The following SLC39A11 variants were observed in gnomAD, a reference collection of about 807,000 sequenced individuals.
SLC39A11 encodes the protein zinc transporter ZIP11.
SLC39A11 carries 33 observed loss-of-function variants against 36.1 expected under a neutral mutation model. The observed-to-expected ratio is 0.91, with a 90% CI of 0.69 to 1.22. The LOEUF is 1.22. SLC39A11 is among the 50% of genes most tolerant of loss of function. The pLI is 0.00. For synonymous variants in SLC39A11, 166 were observed against 170.3 expected (o/e 0.97, Z 0.20); for missense variants, 432 against 430.3 (o/e 1.00, Z -0.03).
chr17:72,823,245 C>T (rs1025276919), intron 6 of SLC39A11, among the ~76,000 whole-genome samples: 1 of 151,170 alleles, frequency 6.6e-6, no homozygotes, highest in Non-Finnish European at 1.5e-5. Flanking sequence ...CAACTTTGAC[C>T]TTGAGGCATG....
intron 7 of SLC39A11, among the ~76,000 whole-genome samples, chr17:72,674,251 A>G (rs1225902023): frequency 6.6e-6 from 1 of 151,666 alleles, no homozygotes; most frequent in Non-Finnish European, 1.5e-5. Flanking sequence ...ATATATGTGT[A>G]TTTTCTTATA....
chr17:72,838,229 TTC>T (rs113594622), intron 6 of SLC39A11: 9,121 of 381,612 alleles, frequency 0.024, 615 homozygotes, highest in African/African-American at 0.17. Context: ...TTCTTTCCTT[TTC>T]TTTTTTTTTT....
At chr17:73,039,532 C>T (rs2059038496) in intron 3 of SLC39A11, among the ~76,000 whole-genome samples, 1 of 152,164 alleles carries the variant, frequency 6.6e-6, no homozygotes, top group South Asian at 2.1e-4. Flanking sequence ...GAAATGAGAA[C>T]GCATGATCAG....
intron 6 of SLC39A11, among the ~76,000 whole-genome samples, chr17:72,777,869 A>ATATATG (rs1555669316): frequency 1.3e-5 from 2 of 149,956 alleles, no homozygotes; most frequent in African/African-American, 4.9e-5. Context: ...ATGTATGTAT[A>ATATATG]TATGTATGTA....
At chr17:72,984,442 G>T (rs905666208) in intron 4 of SLC39A11, among the ~76,000 whole-genome samples, 2 of 152,108 alleles carry the variant, frequency 1.3e-5, no homozygotes, top group African/African-American at 2.4e-5. Flanking sequence ...TTTCCCTTGG[G>T]TGTTGTGGGA....
intron 6 of SLC39A11, among the ~76,000 whole-genome samples, chr17:72,799,443 G>A (rs9913222): frequency 0.44 from 67,319 of 151,898 alleles, 18,479 homozygotes; most frequent in Non-Finnish European, 0.61. Context: ...GTGGGGTCGG[G>A]CAAAAAAAGC....
intron 5 of SLC39A11, among the ~76,000 whole-genome samples, chr17:72,851,785 C>T (rs1442989265): frequency 6.6e-6 from 1 of 152,110 alleles, no homozygotes; most frequent in Non-Finnish European, 1.5e-5. Context: ...ACTTTATTTC[C>T]TGCTTGAATT....
At chr17:73,087,524 CA>C (rs1381545348) in intron 2 of SLC39A11, among the ~76,000 whole-genome samples, 2 of 152,286 alleles carry the variant, frequency 1.3e-5, no homozygotes, top group East Asian at 3.9e-4. Context: ...TGGATGGCTC[CA>C]GGGCTGCGGA....
chr17:73,015,299 ATAGT>A (rs1443057436), intron 4 of SLC39A11, among the ~76,000 whole-genome samples: 1 of 152,066 alleles, frequency 6.6e-6, no homozygotes, highest in African/African-American at 2.4e-5. Flanking sequence ...CATTCATGTC[ATAGT>A]TAGTCCCTGG....
At chr17:72,852,722 T>C (rs2079424769) in intron 5 of SLC39A11, among the ~76,000 whole-genome samples, 1 of 152,216 alleles carries the variant, frequency 6.6e-6, no homozygotes, top group Non-Finnish European at 1.5e-5. Context: ...TTATACATTT[T>C]GAGTAGACAA....
At chr17:72,802,765 C>T (rs1180902302) in intron 6 of SLC39A11, among the ~76,000 whole-genome samples, 1 of 152,052 alleles carries the variant, frequency 6.6e-6, no homozygotes. Context: ...TCACTGTAAA[C>T]CAGTAGGTCT....
At chr17:72,914,009 G>A (rs371370691) in intron 5 of SLC39A11, among the ~76,000 whole-genome samples, 32 of 147,406 alleles carry the variant, frequency 2.2e-4, no homozygotes, top group African/African-American at 4.5e-4. Flanking sequence ...TAAAATAATT[G>A]AAAGAAAAAA....
intron 6 of SLC39A11, among the ~76,000 whole-genome samples, chr17:72,845,033 T>C (rs1301378392): frequency 6.6e-6 from 1 of 152,164 alleles, no homozygotes. Context: ...GGATCCCTTC[T>C]CACCACATCC....
At chr17:72,803,941 CTA>C (rs1473334248) in intron 6 of SLC39A11, among the ~76,000 whole-genome samples, 3 of 146,646 alleles carry the variant, frequency 2.0e-5, no homozygotes, top group Non-Finnish European at 3.0e-5. Context: ...CATGAATACC[CTA>C]TGTTTATGCC....
At position 73,056,501 on chromosome 17, in the gene SLC39A11, C is replaced by CT. The variant is rs540965149; in HGVS notation, c.148-24788dup. 1.1e-4 allele frequency among the ~76,000 whole-genome samples: 17 copies of CT among 152,142 alleles called. No homozygotes were observed. The South Asian group carries it at 3.3e-3, about 30-fold the overall frequency. ...GCTCTTTTTACATTGAGTCCCTGAT[C>CT]TTTTTTTGGCTTTTGCATCCAGGAT... On this transcript the variant is annotated intron_variant, in intron 3 of 9. Transcript: ENST00000255559.
chr17:72,805,720 C>G (rs979271727), intron 6 of SLC39A11, among the ~76,000 whole-genome samples: 1 of 151,932 alleles, frequency 6.6e-6, no homozygotes, highest in Admixed American at 6.6e-5. Flanking sequence ...GGAGATGTGG[C>G]TCAGAGTTAA....
intron 5 of SLC39A11, among the ~76,000 whole-genome samples, chr17:72,926,728 T>C (rs377413928): frequency 4.6e-5 from 7 of 152,254 alleles, no homozygotes; most frequent in Admixed American, 2.0e-4. Flanking sequence ...TTTGTTCACA[T>C]ACCAGCTTTA....
chr17:73,084,955 C>T (rs2060671609), intron 2 of SLC39A11, 109 bp from the exon 3 acceptor site: 5 of 1,130,676 alleles, frequency 4.4e-6, no homozygotes, highest in South Asian at 1.3e-5. Flanking sequence ...AAAGACTGGC[C>T]GACTCCTGAG....
chr17:73,039,695 A>T (rs776526922), intron 3 of SLC39A11, among the ~76,000 whole-genome samples: 1 of 152,194 alleles, frequency 6.6e-6, no homozygotes, highest in Non-Finnish European at 1.5e-5. Flanking sequence ...TGAGATTTTC[A>T]TGGGTGTGGA....
Sources: gnomAD v4.1 joint callset for allele counts (sites outside exome capture counted in the v4.1 genomes callset) on GRCh38, gnomAD v4.1.1 for gene constraint, MANE v1.5 for transcripts, NCBI Gene and HGNC (gene_info 2026-07-23, HGNC 2026-07-21) for gene names.